Variants in GMDS observed in about 807,000 individuals in gnomAD.
GMDS encodes the protein GDP-mannose 4,6 dehydratase.
A neutral mutation model predicts 49.9 loss-of-function variants in GMDS; 20 were observed. The ratio of observed to expected loss-of-function variants is 0.40; its 90% confidence interval spans 0.28 to 0.58. The LOEUF is 0.58. Ranked by LOEUF, GMDS falls within the 20% of genes least tolerant of loss-of-function variation. The pLI, the probability that GMDS is intolerant of heterozygous loss-of-function variation, is 0.42. For missense variants in GMDS, 362 were observed against 481.4 expected, an observed-to-expected ratio of 0.75 and a Z score of 2.32; for synonymous variants, 177 against 178.6, an observed-to-expected ratio of 0.99 and a Z score of 0.07.
intron 9 of GMDS, among the ~76,000 whole-genome samples, chr6:1,656,849 C>T (rs1480219060): frequency 6.6e-6 from 1 of 152,092 alleles, no homozygotes; most frequent in African/African-American, 2.4e-5. Context: ...AACTGAGATA[C>T]TACCTGTACA....
chr6:2,231,713 T>C (rs924144108), intron 1 of GMDS, among the ~76,000 whole-genome samples: 1 of 152,284 alleles, frequency 6.6e-6, no homozygotes, highest in South Asian at 2.1e-4. Flanking sequence ...TTATAAAGTA[T>C]AGTAACTCCA....
intron 7 of GMDS, among the ~76,000 whole-genome samples, chr6:1,848,537 T>C (rs1408643485): frequency 6.6e-6 from 1 of 152,222 alleles, no homozygotes; most frequent in East Asian, 1.9e-4. Flanking sequence ...TAACAAAGTT[T>C]TTTGGTTTTC....
intron 9 of GMDS, among the ~76,000 whole-genome samples, chr6:1,654,272 G>C (rs1468326418): frequency 6.6e-6 from 1 of 152,202 alleles, no homozygotes; most frequent in Non-Finnish European, 1.5e-5. Flanking sequence ...GTAACCAGAA[G>C]AACTGAAAGC....
At chr6:2,100,427 C>A (rs1291077289) in intron 4 of GMDS, among the ~76,000 whole-genome samples, 1 of 151,980 alleles carries the variant, frequency 6.6e-6, no homozygotes, top group Non-Finnish European at 1.5e-5. Context: ...CTAAACATTA[C>A]AACAATTAAT....
chr6:1,775,707 A>G (rs1561796259), intron 7 of GMDS, among the ~76,000 whole-genome samples: 1 of 152,220 alleles, frequency 6.6e-6, no homozygotes, highest in Non-Finnish European at 1.5e-5. Flanking sequence ...TTGCTGTGAA[A>G]TGCAATGAAA....
chr6:1,629,374 G>A (rs924183996), intron 9 of GMDS, among the ~76,000 whole-genome samples: 1 of 152,010 alleles, frequency 6.6e-6, no homozygotes, highest in African/African-American at 2.4e-5. Context: ...TCATGACAAG[G>A]GGCAATAAGA....
intron 1 of GMDS, among the ~76,000 whole-genome samples, chr6:2,216,761 T>C (rs1171552650): frequency 6.6e-6 from 1 of 152,184 alleles, no homozygotes; most frequent in Non-Finnish European, 1.5e-5. Context: ...GGATTCTTCA[T>C]AGCCCTTTGT....
In GMDS at chr6:2,193,913, T is replaced by C. The variant is rs1341580900; in HGVS notation, c.102+51408A>G. 2.0e-5 allele frequency among the ~76,000 whole-genome samples: 3 copies of C among 152,016 alleles called. No homozygotes were observed. The East Asian group carries it at 5.8e-4, about 30-fold the overall frequency. ...TAATTTTTTGTATTTTTAGTAGAGA[T>C]GGGGTTTCACCATGTTAGCCAGGAT... On this transcript the variant is annotated intron_variant, in intron 1 of 10. Coordinates refer to ENST00000380815, the MANE Select transcript of GMDS (RefSeq NM_001500.4).
chr6:1,782,552 G>A (rs539033405), intron 7 of GMDS, among the ~76,000 whole-genome samples: 25 of 152,216 alleles, frequency 1.6e-4, no homozygotes, highest in South Asian at 1.5e-3. Context: ...CACAAATTTC[G>A]TATTACCCAT....
At chr6:1,775,436 C>G (rs763837926) in intron 7 of GMDS, among the ~76,000 whole-genome samples, 4 of 152,168 alleles carry the variant, frequency 2.6e-5, no homozygotes, top group African/African-American at 4.8e-5. Context: ...TTGATTCTTA[C>G]GATAAAACAC....
chr6:2,014,178 G>T (rs2127397920), intron 4 of GMDS, among the ~76,000 whole-genome samples: 1 of 138,932 alleles, frequency 7.2e-6, no homozygotes, highest in Non-Finnish European at 1.5e-5. Flanking sequence ...GGAATGTATT[G>T]CCAGGAGACC....
intron 9 of GMDS, among the ~76,000 whole-genome samples, chr6:1,688,790 G>A (rs894795447): frequency 3.9e-5 from 6 of 152,196 alleles, no homozygotes; most frequent in African/African-American, 7.2e-5. Flanking sequence ...GATTTTGGGG[G>A]TACTGCCTTT....
intron 4 of GMDS, among the ~76,000 whole-genome samples, chr6:2,028,733 G>T (rs1257508238): frequency 6.6e-6 from 1 of 152,130 alleles, no homozygotes; most frequent in East Asian, 1.9e-4. Flanking sequence ...TAACTTTCAT[G>T]TAGAATACCT....
At chr6:2,207,975 C>A (rs1779879066) in intron 1 of GMDS, among the ~76,000 whole-genome samples, 1 of 151,716 alleles carries the variant, frequency 6.6e-6, no homozygotes, top group African/African-American at 2.4e-5. Flanking sequence ...ATATGAAAAA[C>A]CCAGTCAGGA....
intron 7 of GMDS, among the ~76,000 whole-genome samples, chr6:1,813,679 T>G (rs58039348): frequency 6.6e-6 from 1 of 152,162 alleles, no homozygotes; most frequent in Non-Finnish European, 1.5e-5. Context: ...ACACGTAAGG[T>G]CTTCAAGTAA....
At chr6:2,016,087 T>TAAAA (rs375828300) in intron 4 of GMDS, among the ~76,000 whole-genome samples, 8 of 134,738 alleles carry the variant, frequency 5.9e-5, no homozygotes, top group South Asian at 2.3e-4. Flanking sequence ...AAAAATAAAT[T>TAAAA]AAAAAAAAAA....
intron 4 of GMDS, among the ~76,000 whole-genome samples, chr6:2,059,662 C>T (rs1437865946): frequency 6.6e-5 from 8 of 120,620 alleles, no homozygotes; most frequent in African/African-American, 2.3e-4. Flanking sequence ...GAGCCGAGAT[C>T]GCACCACTGC....
At chr6:1,817,556 TAG>T (rs1375735025) in intron 7 of GMDS, among the ~76,000 whole-genome samples, 6 of 152,228 alleles carry the variant, frequency 3.9e-5, no homozygotes, top group African/African-American at 1.4e-4. Context: ...CTTACAGAAG[TAG>T]TTATGGTTTA....
At chr6:2,172,406 G>T (rs1778059863) in intron 1 of GMDS, among the ~76,000 whole-genome samples, 1 of 152,058 alleles carries the variant, frequency 6.6e-6, no homozygotes, top group Non-Finnish European at 1.5e-5. Context: ...AAAAAGAATT[G>T]ATATGGCCGG....
Sources: gnomAD v4.1 joint callset for allele counts (sites outside exome capture counted in the v4.1 genomes callset) on GRCh38, gnomAD v4.1.1 for gene constraint, MANE v1.5 for transcripts, NCBI Gene and HGNC (gene_info 2026-07-23, HGNC 2026-07-21) for gene names.